Variants in PRKN observed in about 807,000 individuals in gnomAD.
PRKN encodes parkin RBR E3 ubiquitin protein ligase.
A neutral mutation model predicts 59.5 loss-of-function variants in PRKN; 56 were observed. The ratio of observed to expected loss-of-function variants is 0.94; its 90% CI spans 0.76 to 1.18. The LOEUF (loss-of-function observed/expected upper bound fraction) is 1.18, where lower values mean the gene tolerates loss of function less well. Among genes scored for constraint, PRKN ranks in the 50% most tolerant of loss-of-function variants. The pLI, the probability that PRKN is intolerant of heterozygous loss-of-function variation, is 0.00. For missense variants in PRKN, 657 were observed against 596.4 expected (o/e 1.10, Z -1.06); for synonymous variants, 250 against 222.1 (o/e 1.13, Z -1.12).
chr6:161,845,185 A>G (rs1024334521), intron 6 of PRKN, among the ~76,000 whole-genome samples: 2 of 152,242 alleles, frequency 1.3e-5, no homozygotes, highest in Admixed American at 1.3e-4. Context: ...CCAGTGGACC[A>G]AACAACTAAT....
chr6:162,279,472 AGAG>A, intron 2 of PRKN, among the ~76,000 whole-genome samples: 1 of 150,752 alleles, frequency 6.6e-6, no homozygotes, highest in Non-Finnish European at 1.5e-5. Flanking sequence ...AGAGAAGAGA[AGAG>A]AAAAGAAAAG....
intron 4 of PRKN, among the ~76,000 whole-genome samples, chr6:162,100,757 G>T (rs1455338085): frequency 6.6e-6 from 1 of 152,022 alleles, no homozygotes; most frequent in Non-Finnish European, 1.5e-5. Context: ...TTGTCTTTTT[G>T]ATAACAGCCA....
intron 1 of PRKN, among the ~76,000 whole-genome samples, chr6:162,597,674 A>C (rs2846545): frequency 1 from 152,209 of 152,280 alleles, 76,069 homozygotes; most frequent in Non-Finnish European, 1. Flanking sequence ...CCCAACAGAC[A>C]TAGATTGAAC....
intron 1 of PRKN, among the ~76,000 whole-genome samples, chr6:162,485,388 A>G (rs1792492583): frequency 6.6e-6 from 1 of 152,240 alleles, no homozygotes; most frequent in Non-Finnish European, 1.5e-5. Context: ...ACACCAAAGT[A>G]GTATGAGAGA....
intron 9 of PRKN, among the ~76,000 whole-genome samples, chr6:161,477,604 T>C (rs1791166161): frequency 6.6e-6 from 1 of 152,138 alleles, no homozygotes; most frequent in Admixed American, 6.6e-5. Flanking sequence ...AGTTGCAGCA[T>C]AGAAGAAAAT....
chr6:162,317,737 G>A (rs1782811513), intron 2 of PRKN, among the ~76,000 whole-genome samples: 1 of 151,942 alleles, frequency 6.6e-6, no homozygotes, highest in Non-Finnish European at 1.5e-5. Flanking sequence ...GCATTGAAAA[G>A]AAGGCAAAGG....
intron 2 of PRKN, among the ~76,000 whole-genome samples, chr6:162,437,091 C>A (rs900197651): frequency 5.4e-5 from 8 of 148,902 alleles, no homozygotes; most frequent in East Asian, 2.0e-4. Context: ...GACTCTGTCT[C>A]AAAAAAAATA....
At chr6:162,187,875 T>C (rs1784096951) in intron 4 of PRKN, among the ~76,000 whole-genome samples, 1 of 152,018 alleles carries the variant, frequency 6.6e-6, no homozygotes, top group South Asian at 2.1e-4. Context: ...CTACAAAAGG[T>C]TTGTCTTGGA....
rs1368948064 is a variant in PRKN, at chr6:161,551,337, C to A, written c.934-2334G>T. Among the ~76,000 whole-genome samples, 1 of 152,158 alleles carries A rather than the reference C, an allele frequency of 6.6e-6. No individual in the cohort carries two copies. Among genetic ancestry groups the A allele is most frequent in the Non-Finnish European group, 1.5e-5 (1 of 68,036 alleles). Reference sequence around the variant, plus strand: ...AGGTCCTGCCTGAGTCTCAGGATTACCTGCATCCTTGAAATTATTCGTAAA... The same window carrying A: ...AGGTCCTGCCTGAGTCTCAGGATTAACTGCATCCTTGAAATTATTCGTAAA... On this transcript the variant is annotated intron_variant, in intron 8 of 11. Transcript: ENST00000366898. The surrounding 1 kb of genome is among the most constrained non-coding windows in gnomAD (Gnocchi z 5.2).
At chr6:161,893,168 A>T (rs191994194) in intron 6 of PRKN, among the ~76,000 whole-genome samples, 22 of 152,008 alleles carry the variant, frequency 1.4e-4, no homozygotes, top group East Asian at 5.8e-4. Flanking sequence ...AAAGGTGCTT[A>T]AAAAAGACAT....
At chr6:162,359,079 A>AAAAAAAAAAAAAATATATAT (rs57265104) in intron 2 of PRKN, among the ~76,000 whole-genome samples, 1 of 83,274 alleles carries the variant, frequency 1.2e-5, no homozygotes, top group African/African-American at 7.3e-5. Context: ...AAAAAAAAAA[A>AAAAAAAAAAAAAATATATAT]ATATATATAT....
chr6:161,683,373 C>A (rs554123368), intron 7 of PRKN, among the ~76,000 whole-genome samples: 1 of 152,170 alleles, frequency 6.6e-6, no homozygotes, highest in Non-Finnish European at 1.5e-5. Context: ...AATCTGCACT[C>A]GATCTTAGCC....
intron 1 of PRKN, chr6:162,568,909 T>C (rs947608431): frequency 2.9e-6 from 2 of 679,954 alleles, no homozygotes; most frequent in Admixed American, 1.9e-5. Flanking sequence ...AGGAAGGACA[T>C]GGATGATGCT....
chr6:161,884,061 A>T (rs1583297034), intron 6 of PRKN, among the ~76,000 whole-genome samples: 1 of 152,184 alleles, frequency 6.6e-6, no homozygotes, highest in African/African-American at 2.4e-5. Context: ...ACATAACATG[A>T]AACTAACTGT....
At chr6:162,562,037 T>C (rs1410693321) in intron 1 of PRKN, among the ~76,000 whole-genome samples, 1 of 152,066 alleles carries the variant, frequency 6.6e-6, no homozygotes, top group Admixed American at 6.6e-5. Context: ...AAAAGACCCC[T>C]TCCTTCCACT....
At chr6:162,198,044 T>C (rs1309916607) in intron 4 of PRKN, among the ~76,000 whole-genome samples, 1 of 152,158 alleles carries the variant, frequency 6.6e-6, no homozygotes, top group Non-Finnish European at 1.5e-5. Flanking sequence ...CCTGCAATAC[T>C]GGAGTTGACA....
intron 4 of PRKN, among the ~76,000 whole-genome samples, chr6:162,144,087 G>C (rs1328089155): frequency 6.6e-6 from 1 of 152,150 alleles, no homozygotes; most frequent in Admixed American, 6.5e-5. Context: ...GGCAAAGAAA[G>C]GGGCTGGTGA....
In PRKN at chr6:161,902,524, G is replaced by GTCTATCTATCTA. The variant is rs557665439; in HGVS notation, c.734+70766_734+70777dup. 1.7e-3 allele frequency among the ~76,000 whole-genome samples: 222 copies of GTCTATCTATCTA among 133,082 alleles called. 4 individuals are homozygous for GTCTATCTATCTA. Among genetic ancestry groups the GTCTATCTATCTA allele is most frequent in the African/African-American group, 4.5e-3 (152 of 33,992 alleles). 87.3% of individuals were successfully genotyped at this position (133,082 alleles called of 152,430 possible). ...GTGTGTGTAAATGTAATAGACATCC[G>GTCTATCTATCTA]TCTATCTATCTATCTATCTATCTAT... On this transcript the variant is annotated intron_variant, in intron 6 of 11. Coordinates refer to ENST00000366898, the MANE Select transcript of PRKN (RefSeq NM_004562.3).
chr6:161,516,467 T>TAAA (rs376373455), intron 9 of PRKN, among the ~76,000 whole-genome samples: 4 of 23,132 alleles, frequency 1.7e-4, no homozygotes, highest in East Asian at 1.6e-3. Context: ...AGGCTCCTTC[T>TAAA]AAAAAAAAAA....
Sources: allele counts gnomAD v4.1 joint callset (sites outside exome capture counted in the v4.1 genomes callset), GRCh38; gene constraint gnomAD v4.1.1; non-coding constraint Gnocchi (gnomAD v3.1); transcripts MANE v1.5; gene names NCBI Gene and HGNC (gene_info 2026-07-23, HGNC 2026-07-21).